GRID2: variants seen among roughly 807,000 people sequenced by gnomAD.
GRID2 encodes glutamate ionotropic receptor delta type subunit 2.
Under a neutral mutation model 114.8 loss-of-function variants are expected in GRID2, and 33 were observed. That is an observed-to-expected ratio of 0.29 (90% CI 0.22 to 0.38). The LOEUF (loss-of-function observed/expected upper bound fraction) is 0.38. Ranked by LOEUF, GRID2 falls within the 10% of genes least tolerant of loss-of-function variation. The pLI is 1.00. For synonymous variants in GRID2, 505 were observed against 449.9 expected (o/e 1.12, Z -1.55); for missense variants, 1,184 against 1,257.7 (o/e 0.94, Z 0.89).
At chr4:93,718,627 C>G (rs1366228232) in intron 14 of GRID2, among the ~76,000 whole-genome samples, 2 of 151,972 alleles carry the variant, frequency 1.3e-5, no homozygotes, top group African/African-American at 2.4e-5. Flanking sequence ...ACTTATTGAA[C>G]AAATGTTGAA....
intron 2 of GRID2, among the ~76,000 whole-genome samples, chr4:92,941,490 T>C (rs1751126360): frequency 6.6e-6 from 1 of 152,198 alleles, no homozygotes; most frequent in Non-Finnish European, 1.5e-5. Context: ...TAGTGTTCTA[T>C]CAATTTTGTT....
At chr4:92,546,726 A>C (rs1304932961) in intron 1 of GRID2, among the ~76,000 whole-genome samples, 1 of 152,210 alleles carries the variant, frequency 6.6e-6, no homozygotes, top group Non-Finnish European at 1.5e-5. Context: ...ATACACATGC[A>C]AGTCTGAGAT....
At chr4:93,352,638 T>G (rs1372115451) in intron 8 of GRID2, among the ~76,000 whole-genome samples, 1 of 152,032 alleles carries the variant, frequency 6.6e-6, no homozygotes, top group Non-Finnish European at 1.5e-5. Flanking sequence ...TGAATGATCT[T>G]AATAAGAAAT....
intron 1 of GRID2, among the ~76,000 whole-genome samples, chr4:92,557,916 G>A (rs1453159324): frequency 2.0e-5 from 3 of 152,056 alleles, no homozygotes; most frequent in Non-Finnish European, 4.4e-5. Context: ...GAAATATTCT[G>A]CAGATACTTT....
intron 2 of GRID2, among the ~76,000 whole-genome samples, chr4:92,801,369 G>A (rs1740160440): frequency 6.6e-6 from 1 of 151,840 alleles, no homozygotes; most frequent in Non-Finnish European, 1.5e-5. Flanking sequence ...TATTTTTTAT[G>A]CAAGTAATTT....
At chr4:93,736,210 G>T (rs1730915411) in intron 14 of GRID2, among the ~76,000 whole-genome samples, 1 of 151,966 alleles carries the variant, frequency 6.6e-6, no homozygotes, top group African/African-American at 2.4e-5. Flanking sequence ...AGCACACAAA[G>T]ATAATAAATA....
At chr4:92,662,798 A>C (rs2149270257) in intron 2 of GRID2, among the ~76,000 whole-genome samples, 1 of 151,164 alleles carries the variant, frequency 6.6e-6, no homozygotes, top group Middle Eastern at 3.4e-3. Context: ...AAATCAATGA[A>C]CAATATTGGA....
At chr4:92,801,869 G>A (rs538279363) in intron 2 of GRID2, among the ~76,000 whole-genome samples, 25 of 151,860 alleles carry the variant, frequency 1.6e-4, no homozygotes, top group African/African-American at 5.5e-4. Context: ...GAGGAGAAAG[G>A]AAGTTAAATC....
intron 14 of GRID2, among the ~76,000 whole-genome samples, chr4:93,702,051 T>G (rs1333931255): frequency 6.6e-6 from 1 of 152,272 alleles, no homozygotes; most frequent in African/African-American, 2.4e-5. Context: ...ATAGTTATTC[T>G]GTGCCACATT....
At position 92,934,483 on chromosome 4, in the gene GRID2, A is replaced by G. The variant is rs1300853044; in HGVS notation, c.245-150512A>G. On this transcript the variant is annotated intron_variant, in intron 2 of 15. Transcript: ENST00000282020. ...AATCCCAAGGTAATTTATAGATTCAATGCCATCCCCATCAAGCTACCAATG... is the reference window on the plus strand; with the variant it reads ...AATCCCAAGGTAATTTATAGATTCAGTGCCATCCCCATCAAGCTACCAATG... Among the ~76,000 whole-genome samples the G allele has an allele frequency of 3.4e-5, 5 of 146,574 alleles. 1 individual carries two copies. The highest frequency in any genetic ancestry group is 7.5e-5 in the Non-Finnish European group (5 of 66,232).
rs578152379 is a variant in GRID2 at position 92,873,570 on chromosome 4, A to G, written c.245-211425A>G. Among the ~76,000 whole-genome samples, 4 of 152,312 alleles carry G rather than the reference A, an allele frequency of 2.6e-5. No homozygotes were observed. The South Asian group carries it at 6.2e-4, about 24-fold the overall frequency. On this transcript the variant is annotated intron_variant, in intron 2 of 15. Transcript: ENST00000282020. ...AGATAAATAAAAGATAAAAATTTAG[A>G]TACGCTTCTATTGTCAAAAGCCTTG...
At chr4:93,679,270 T>C (rs867724181) in intron 14 of GRID2, among the ~76,000 whole-genome samples, 1 of 151,028 alleles carries the variant, frequency 6.6e-6, no homozygotes, top group African/African-American at 2.5e-5. Flanking sequence ...GCACCCAGAT[T>C]CGTAAAGCAA....
At position 93,050,012 on chromosome 4, in the gene GRID2, G is replaced by A. The variant is rs2149279209; in HGVS notation, c.245-34983G>A. Among the ~76,000 whole-genome samples the A allele has an allele frequency of 1.3e-5, 2 of 152,102 alleles. 1 individual carries two copies. The highest frequency in any genetic ancestry group is 4.1e-4 in the South Asian group (2 of 4,830). ...ATATTAAAGAGCATTCTTCCTGAAG[G>A]TACAATGCATGATTTCAACAAATTA... On this transcript the variant is annotated intron_variant, in intron 2 of 15. Coordinates refer to ENST00000282020, the MANE Select transcript of GRID2 (RefSeq NM_001510.4).
intron 13 of GRID2, among the ~76,000 whole-genome samples, chr4:93,608,063 T>C (rs981677419): frequency 4.7e-5 from 7 of 148,064 alleles, no homozygotes; most frequent in African/African-American, 7.4e-5. Flanking sequence ...TATATACGTA[T>C]ATAAGTATAT....
intron 3 of GRID2, among the ~76,000 whole-genome samples, chr4:93,085,780 A>G (rs903096036): frequency 6.6e-6 from 1 of 152,136 alleles, no homozygotes; most frequent in East Asian, 1.9e-4. Context: ...GGAGTCACTA[A>G]AATTATATCA....
chr4:93,671,774 G>A (rs1254927482), intron 14 of GRID2, among the ~76,000 whole-genome samples: 1 of 151,782 alleles, frequency 6.6e-6, no homozygotes, highest in African/African-American at 2.4e-5. Context: ...TTCAAGACTG[G>A]CCTGACCAAC....
chr4:92,328,913 G>T lies in GRID2; in HGVS notation c.88+24169G>T, dbSNP rs959933905. Reference sequence around the variant, plus strand: ...CTCTTTATGTCCTTGTAAATTATTTGTTCATTTTTATTTTTAGCAGAAAAG... The same window carrying T: ...CTCTTTATGTCCTTGTAAATTATTTTTTCATTTTTATTTTTAGCAGAAAAG... On this transcript the variant is annotated intron_variant, in intron 1 of 15. Transcript: ENST00000282020. Among the ~76,000 whole-genome samples, 4 of 151,762 alleles carry T rather than the reference G, an allele frequency of 2.6e-5. No individual in the cohort carries two copies. The South Asian group carries it at 8.3e-4, about 31-fold the overall frequency.
chr4:93,468,069 G>C (rs1407159733), intron 11 of GRID2, among the ~76,000 whole-genome samples: 1 of 152,046 alleles, frequency 6.6e-6, no homozygotes, highest in African/African-American at 2.4e-5. Flanking sequence ...TAATATATAA[G>C]AGCCCCAAAA....
At chr4:92,841,037 C>A (rs1198148657) in intron 2 of GRID2, among the ~76,000 whole-genome samples, 1 of 151,984 alleles carries the variant, frequency 6.6e-6, no homozygotes, top group Non-Finnish European at 1.5e-5. Context: ...GCTCTGGTCT[C>A]ATCAAGAAGA....
Sources: allele counts gnomAD v4.1 joint callset (sites outside exome capture counted in the v4.1 genomes callset), GRCh38; gene constraint gnomAD v4.1.1; transcripts MANE v1.5; gene names NCBI Gene and HGNC (gene_info 2026-07-23, HGNC 2026-07-21).